Variants in STARD13 observed in about 807,000 individuals in gnomAD.
The protein encoded by STARD13 is stAR-related lipid transfer protein 13.
A neutral mutation model predicts 106.4 loss-of-function variants in STARD13; 62 were observed. The observed-to-expected ratio is 0.58, with a 90% CI of 0.48 to 0.72. The LOEUF (loss-of-function observed/expected upper bound fraction) is 0.72, where lower values mean the gene tolerates loss of function less well. Ranked by LOEUF, STARD13 falls within the 30% of genes least tolerant of loss-of-function variation. The pLI, the probability that STARD13 is intolerant of heterozygous loss-of-function variation, is 0.00. For missense variants in STARD13, 1,387 were observed against 1,424.0 expected (o/e 0.97, Z 0.42); for synonymous variants, 565 against 553.0 (o/e 1.02, Z -0.31).
At position 33,130,282 on chromosome 13, in the gene STARD13, T is replaced by C. The variant is rs1390705202; in HGVS notation, c.395A>G (p.Asp132Gly). 6.2e-7 allele frequency: 1 copy of C among 1,600,076 alleles called. No homozygotes were observed. Among genetic ancestry groups the C allele is most frequent in the East Asian group, 2.2e-5 (1 of 44,858 alleles). ...GATACAAAGATCTTCCTCATCGGAGTCGTCACCCTGCAGAGCACCAAGGAA... is the reference window on the plus strand; with the variant it reads ...GATACAAAGATCTTCCTCATCGGAGCCGTCACCCTGCAGAGCACCAAGGAA... ...DVNFQRKKGD[D>G]SDEEDLCISN... The change falls in exon 5 of 14, where the codon GAC becomes GGC. Residue 132 changes from aspartate (D) to glycine (G), a missense_variant. Physicochemically the swap from Asp to Gly is moderately conservative, Grantham distance 94. Transcript: ENST00000336934. This position sits in a 1 kb window ranked among gnomAD's most constrained non-coding sequence, Gnocchi z 4.1.
chr13:33,527,342 T>C, the STARD13 span, among the ~76,000 whole-genome samples: 6 of 152,200 alleles, frequency 3.9e-5, no homozygotes, highest in East Asian at 1.2e-3. Context: ...AAAAATGCCA[T>C]CCTTATAGTC....
At chr13:33,143,548 TTTTG>T (rs776967475) in intron 3 of STARD13, among the ~76,000 whole-genome samples, 5 of 151,804 alleles carry the variant, frequency 3.3e-5, no homozygotes, top group Non-Finnish European at 5.9e-5. Context: ...CAGTCGTTTC[TTTTG>T]TTTGTTTGTT....
intron 1 of STARD13, among the ~76,000 whole-genome samples, chr13:33,189,938 T>C (rs1886120771): frequency 6.6e-6 from 1 of 151,984 alleles, no homozygotes; most frequent in African/African-American, 2.4e-5. Flanking sequence ...AAAATGATGA[T>C]CCCAAACTTA....
chr13:33,543,890 AT>A, the STARD13 span, among the ~76,000 whole-genome samples: 3 of 152,090 alleles, frequency 2.0e-5, no homozygotes, highest in African/African-American at 7.2e-5. Flanking sequence ...CGGTACTAAA[AT>A]ATACTGGTGA....
intron 1 of STARD13, chr13:33,186,111 C>T: frequency 6.8e-7 from 1 of 1,473,708 alleles, no homozygotes; most frequent in East Asian, 2.4e-5. Flanking sequence ...CCTCACTGCT[C>T]CCCAGTGACC....
intron 1 of STARD13, among the ~76,000 whole-genome samples, chr13:33,305,482 G>A (rs1002356267): frequency 2.6e-5 from 4 of 152,156 alleles, no homozygotes; most frequent in Admixed American, 2.0e-4. Context: ...TTATTAGCAA[G>A]TACCTACTAT....
At chr13:33,515,256 C>T in the STARD13 span, among the ~76,000 whole-genome samples, 5 of 152,214 alleles carry the variant, frequency 3.3e-5, no homozygotes, top group East Asian at 3.9e-4. Context: ...TGGAGTATTG[C>T]GGAGCAGGCT....
chr13:33,458,002 A>G, the STARD13 span, among the ~76,000 whole-genome samples: 25 of 152,224 alleles, frequency 1.6e-4, no homozygotes, highest in Non-Finnish European at 4.4e-5. Flanking sequence ...ATACAAGAAC[A>G]GGTGGTGAGC....
At chr13:33,183,837 C>T (rs903701235) in intron 1 of STARD13, among the ~76,000 whole-genome samples, 1 of 152,140 alleles carries the variant, frequency 6.6e-6, no homozygotes, top group Non-Finnish European at 1.5e-5. Context: ...CCCAATTCCC[C>T]CAGGCTGCCC....
chr13:33,108,570 A>C (rs562814500), intron 12 of STARD13, among the ~76,000 whole-genome samples: 1 of 152,196 alleles, frequency 6.6e-6, no homozygotes, highest in African/African-American at 2.4e-5. Context: ...TACAAACCCC[A>C]AGAGAGCAGG....
chr13:33,329,550 C>A (rs73478189), intron 1 of STARD13, among the ~76,000 whole-genome samples: 3,552 of 152,078 alleles, frequency 0.023, 140 homozygotes, highest in African/African-American at 0.08. Context: ...TGTGTCTTGC[C>A]TACTATTTTG....
the STARD13 span, among the ~76,000 whole-genome samples, chr13:33,644,567 A>G: frequency 0.11 from 16,489 of 152,102 alleles, 1,964 homozygotes; most frequent in African/African-American, 0.26. Context: ...ACAGAGATAC[A>G]ATGAGAGGCA....
the STARD13 span, among the ~76,000 whole-genome samples, chr13:33,364,111 G>T: frequency 1.3e-5 from 2 of 151,906 alleles, no homozygotes; most frequent in South Asian, 2.1e-4. Flanking sequence ...ATTACTTAAG[G>T]TTCCCCCCCA....
the STARD13 span, among the ~76,000 whole-genome samples, chr13:33,470,463 G>A: frequency 6.6e-6 from 1 of 152,112 alleles, no homozygotes; most frequent in African/African-American, 2.4e-5. Context: ...TGGGTCAGAT[G>A]GTATTTCTAG....
chr13:33,466,876 A>T, the STARD13 span, among the ~76,000 whole-genome samples: 1 of 152,228 alleles, frequency 6.6e-6, no homozygotes, highest in South Asian at 2.1e-4. Flanking sequence ...AAGTCTTTAA[A>T]GCCACAAAGA....
intron 1 of STARD13, among the ~76,000 whole-genome samples, chr13:33,232,294 C>A (rs1361384626): frequency 6.6e-6 from 1 of 152,170 alleles, no homozygotes; most frequent in Non-Finnish European, 1.5e-5. Context: ...GCCTTGGTGA[C>A]AGAGCAAGAC....
intron 1 of STARD13, among the ~76,000 whole-genome samples, chr13:33,243,787 T>G (rs1005954914): frequency 2.0e-5 from 3 of 152,164 alleles, no homozygotes; most frequent in African/African-American, 7.2e-5. Flanking sequence ...GCAAGTTCCT[T>G]GGAACTATGT....
At chr13:33,504,345 T>G in the STARD13 span, among the ~76,000 whole-genome samples, 45,786 of 151,924 alleles carry the variant, frequency 0.3, 7,767 homozygotes, top group Non-Finnish European at 0.39. Context: ...GCAAAGACTT[T>G]GAACCAACCC....
the STARD13 span, among the ~76,000 whole-genome samples, chr13:33,530,928 T>C: frequency 3.9e-5 from 6 of 152,296 alleles, no homozygotes; most frequent in East Asian, 1.2e-3. Context: ...TTATTAGTTT[T>C]CAAGATAATG....
Sources: gnomAD v4.1 joint callset for allele counts (sites outside exome capture counted in the v4.1 genomes callset) on GRCh38, gnomAD v4.1.1 for gene constraint, Gnocchi (gnomAD v3.1) non-coding constraint, MANE v1.5 for transcripts, NCBI Gene and HGNC (gene_info 2026-07-23, HGNC 2026-07-21) for gene names.